KMT2C: variants seen among roughly 807,000 people sequenced by gnomAD.
KMT2C encodes histone-lysine N-methyltransferase 2C.
KMT2C carries 88 observed loss-of-function variants against 507.9 expected under a neutral mutation model. The observed-to-expected ratio is 0.17, with a 90% CI of 0.15 to 0.21. The LOEUF is 0.21. Among genes scored for constraint, KMT2C ranks in the 10% least tolerant of loss-of-function variants. The probability of loss-of-function intolerance (pLI) is 1.00; values close to 1 mark genes in which losing one functional copy is unlikely to be tolerated. For synonymous variants in KMT2C, 2,049 were observed against 2,080.8 expected, an observed-to-expected ratio of 0.98 and a Z score of 0.42; for missense variants, 4,954 against 5,957.8, an observed-to-expected ratio of 0.83 and a Z score of 5.55.
rs538274872 is a variant in KMT2C, at chr7:152,264,684, T to C, written c.1184+354A>G. Among the ~76,000 whole-genome samples the C allele has an allele frequency of 7.9e-5, 12 of 152,240 alleles. No individual in the cohort carries two copies. The South Asian group carries it at 2.3e-3, about 29-fold the overall frequency. On this transcript the variant is annotated intron_variant, in intron 8 of 58. Coordinates refer to ENST00000262189, the MANE Select transcript of KMT2C (RefSeq NM_170606.3). ...CAGTACCCCTTAAGAAAAACTACTTTATTCTTCTGTTTGTTTTAAATTGTT... is the reference window on the plus strand; with the variant it reads ...CAGTACCCCTTAAGAAAAACTACTTCATTCTTCTGTTTGTTTTAAATTGTT...
intron 23 of KMT2C, among the ~76,000 whole-genome samples, chr7:152,213,830 G>A (rs1439518951): frequency 6.7e-6 from 1 of 149,710 alleles, no homozygotes; most frequent in Non-Finnish European, 1.5e-5. Context: ...CATCTGATAA[G>A]GGGTTAAAAT....
intron 39 of KMT2C, among the ~76,000 whole-genome samples, chr7:152,172,816 T>C (rs1425422583): frequency 6.6e-6 from 1 of 152,250 alleles, no homozygotes; most frequent in Non-Finnish European, 1.5e-5. Context: ...ATTATTTTCC[T>C]ATCGAGTGTT....
At chr7:152,392,977 C>A (rs2097511689) in intron 1 of KMT2C, among the ~76,000 whole-genome samples, 1 of 152,078 alleles carries the variant, frequency 6.6e-6, no homozygotes, top group African/African-American at 2.4e-5. Flanking sequence ...CACCTGTAGT[C>A]CCAGCTACTC....
Position 152,148,541 on chromosome 7 carries a change from A to G in KMT2C, c.13386T>C (p.Cys4462=), listed in dbSNP as rs1413674350. The part of the protein sequence containing the change: ...LALRRGLQMK[C]VFCHKTGATS... ...TGGCACCCGTCTTGTGACAGAAGAC[A>G]CATTTCATTTGTAGGCCTCTCCTCA... Residue 4462 remains cysteine (C), a synonymous_variant, in exon 52 of 59, where the codon TGT becomes TGC. Coordinates refer to ENST00000262189, the MANE Select transcript of KMT2C (RefSeq NM_170606.3). This position sits in a 1 kb window ranked among gnomAD's most constrained non-coding sequence, Gnocchi z 7.1. 6.2e-7 allele frequency: 1 copy of G among 1,614,278 alleles called. No homozygotes were observed. The highest frequency in any genetic ancestry group is 1.1e-5 in the South Asian group (1 of 91,092).
rs1374733050 is a variant in KMT2C at position 152,156,319 on chromosome 7, G to T, written c.11698C>A (p.Pro3900Thr). The T allele has an allele frequency of 1.2e-6, 2 of 1,614,064 alleles. No homozygotes were observed. The highest frequency in any genetic ancestry group is 1.3e-5 in the African/African-American group (1 of 75,044). ...QQNNLSNPPT[P>T]PASLPPTPPP... ...GGTGTAGGAGGAAGAGAGGCAGGGG[G>T]TGTTGGAGGATTACTTAAATTATTC... Residue 3900 changes from proline to threonine, a missense_variant, in exon 45 of 59, where the codon CCC (proline) becomes ACC (threonine). This residue lies in a region of KMT2C where 104 missense variants were observed against 134.3 expected (regional missense o/e 0.77). Coordinates refer to ENST00000262189, the MANE Select transcript of KMT2C (RefSeq NM_170606.3).
chr7:152,408,055 C>A (rs376326882), intron 1 of KMT2C, among the ~76,000 whole-genome samples: 1 of 143,498 alleles, frequency 7.0e-6, no homozygotes, highest in African/African-American at 2.7e-5. Flanking sequence ...TCTGGGAGGC[C>A]GAGGTGGGCA....
At chr7:152,328,245 G>C (rs888935157) in intron 3 of KMT2C, among the ~76,000 whole-genome samples, 1 of 152,304 alleles carries the variant, frequency 6.6e-6, no homozygotes, top group African/African-American at 2.4e-5. Flanking sequence ...GGAGGAGGAG[G>C]AGAGGACTAC....
chr7:152,177,222 T>C lies in KMT2C; in HGVS notation c.8231A>G (p.Asn2744Ser), dbSNP rs2129114430. ...TCCTGACCTTAAGAGGTCATCCAGG[T>C]TGGGATCATTAGTTTCCAAATTATC... ...TLDNLETNDP[N>S]LDDLLRSGEF... Residue 2744 changes from asparagine to serine, a missense_variant, in exon 38 of 59, where the codon AAC becomes AGC. Around this residue, in one of 29 missense-constraint regions of KMT2C, gnomAD observed 1,689 missense variants for 1,654.3 expected, o/e 1.02. Coordinates refer to ENST00000262189, the MANE Select transcript of KMT2C (RefSeq NM_170606.3). 1 of 1,613,968 alleles carries C rather than the reference T, an allele frequency of 6.2e-7. No individual in the cohort carries two copies. The highest frequency in any genetic ancestry group is 1.3e-5 in the African/African-American group (1 of 75,048).
At chr7:152,374,138 C>T (rs955147538) in intron 1 of KMT2C, among the ~76,000 whole-genome samples, 1 of 151,348 alleles carries the variant, frequency 6.6e-6, no homozygotes, top group African/African-American at 2.4e-5. Context: ...TATGGTGAAA[C>T]CCCGAGATCT....
At chr7:152,262,940 A>G in intron 9 of KMT2C, 76 bp downstream of exon 9, 1 of 1,033,828 alleles carries the variant, frequency 9.7e-7, no homozygotes, top group Non-Finnish European at 1.4e-6. Flanking sequence ...TACAGATTTG[A>G]ATAGGTATCC....
chr7:152,367,699 T>C (rs1389521994), intron 1 of KMT2C: 4 of 1,355,506 alleles, frequency 3.0e-6, no homozygotes, highest in Middle Eastern at 2.5e-4. Flanking sequence ...ACCCCAGGAT[T>C]TGGAGATGTA....
Position 152,215,513 on chromosome 7 carries a change from CAAAAAAAAAAAAA to C in KMT2C, c.3712+4997_3712+5009del, listed in dbSNP as rs35751147. On this transcript the variant is annotated intron_variant, in intron 23 of 58. Transcript: ENST00000262189. ...TGGGCGACACAGCAAGACTCTGTCTCAAAAAAAAAAAAAAAAAAAAAAAAAAAGATTGAAAGAA... is the reference window on the plus strand; with the variant it reads ...TGGGCGACACAGCAAGACTCTGTCTCAAAAAAAAAAAAAAGATTGAAAGAA... Among the ~76,000 whole-genome samples the C allele has an allele frequency of 1.2e-3, 31 of 25,970 alleles. No individual in the cohort carries two copies. In the South Asian group the frequency reaches 0.044, roughly 37 times the overall value. 17.0% of individuals were successfully genotyped at this position (25,970 alleles called of 152,430 possible).
chr7:152,409,571 A>G (rs2097659739), intron 1 of KMT2C, among the ~76,000 whole-genome samples: 1 of 150,990 alleles, frequency 6.6e-6, no homozygotes, highest in South Asian at 2.1e-4. Flanking sequence ...TACAAAAAAA[A>G]AAAAAAAAAA....
At chr7:152,230,343 G>C (rs978479980) in intron 16 of KMT2C, 22 bp from the exon 17 acceptor site, 1 of 1,079,466 alleles carries the variant, frequency 9.3e-7, no homozygotes, top group African/African-American at 1.6e-5. Context: ...AAAATACACA[G>C]AATACGAAGT....
chr7:152,292,388 C>T (rs1407984909), intron 6 of KMT2C, among the ~76,000 whole-genome samples: 4 of 152,090 alleles, frequency 2.6e-5, no homozygotes, highest in Non-Finnish European at 5.9e-5. Context: ...TCGTAGCATG[C>T]AGAGCAGCAA....
Position 152,251,948 on chromosome 7 carries a change from G to T in KMT2C, c.1612C>A (p.Leu538Ile). 6.2e-7 allele frequency: 1 copy of T among 1,602,444 alleles called. No individual in the cohort carries two copies. The highest frequency in any genetic ancestry group is 8.5e-7 in the Non-Finnish European group (1 of 1,175,302). Residue 538 changes from leucine to isoleucine, a missense_variant, in exon 11 of 59, where the codon CTC (leucine) becomes ATC (isoleucine). By Grantham distance (5) the Leu-to-Ile change is conservative. This residue lies in a region of KMT2C where 376 missense variants were observed against 352.4 expected (regional missense o/e 1.07). Coordinates refer to ENST00000262189, the MANE Select transcript of KMT2C (RefSeq NM_170606.3). ...QPGEEVEIAE[L>I]TTDYNNEMEV... Reference sequence around the variant, plus strand: ...TCATTCTCAAATTTACCTGTAGTGAGCTCAGCTATCTCCACTTCCTCACCT... The same window carrying T: ...TCATTCTCAAATTTACCTGTAGTGATCTCAGCTATCTCCACTTCCTCACCT...
intron 1 of KMT2C, among the ~76,000 whole-genome samples, chr7:152,360,365 C>G (rs1239491247): frequency 6.6e-6 from 1 of 151,772 alleles, no homozygotes; most frequent in Non-Finnish European, 1.5e-5. Flanking sequence ...GTAATCCCAG[C>G]TACTCAGGAG....
At chr7:152,233,203 G>A (rs1432699288) in intron 16 of KMT2C, among the ~76,000 whole-genome samples, 1 of 152,140 alleles carries the variant, frequency 6.6e-6, no homozygotes, top group East Asian at 1.9e-4. Context: ...CTAGCTTGAA[G>A]ACCCACTGTT....
At chr7:152,421,733 C>T (rs564026786) in intron 1 of KMT2C, among the ~76,000 whole-genome samples, 2 of 152,236 alleles carry the variant, frequency 1.3e-5, no homozygotes, top group South Asian at 2.1e-4. Context: ...AAGGCTTACT[C>T]GAGGGTGGAG....
Sources: gnomAD v4.1 joint callset for allele counts (sites outside exome capture counted in the v4.1 genomes callset) on GRCh38, gnomAD v4.1.1 for gene constraint, gnomAD v4.1.1 regional missense constraint, Gnocchi (gnomAD v3.1) non-coding constraint, MANE v1.5 for transcripts, NCBI Gene and HGNC (gene_info 2026-07-23, HGNC 2026-07-21) for gene names.